Variants in CLCN5 observed in about 807,000 individuals in gnomAD.
CLCN5 encodes H(+)/Cl(-) exchange transporter 5.
Under a neutral mutation model 54.0 loss-of-function variants are expected in CLCN5, and 17 were observed. That is an observed-to-expected ratio of 0.31 (90% CI 0.22 to 0.47). The LOEUF is 0.47. CLCN5 is among the 20% of genes least tolerant of loss of function. CLCN5 has a pLI of 1.00. For synonymous variants in CLCN5, 222 were observed against 233.0 expected (o/e 0.95, Z 0.43); for missense variants, 448 against 646.7 (o/e 0.69, Z 3.33).
chrX:49,955,406 T>C (rs919018259), intron 3 of CLCN5, among the ~76,000 whole-genome samples: 2 of 109,737 alleles, frequency 1.8e-5, no homozygotes, highest in African/African-American at 6.7e-5. Flanking sequence ...TTTTTTTTTT[T>C]AACAGCTTCC....
At chrX:49,990,394 C>T (rs1437203471) in intron 3 of CLCN5, among the ~76,000 whole-genome samples, 1 of 109,365 alleles carries the variant, frequency 9.1e-6, no homozygotes, top group African/African-American at 3.3e-5. Flanking sequence ...TTTTATCCCT[C>T]ACTCCCCTCC....
intron 4 of CLCN5, among the ~76,000 whole-genome samples, chrX:50,063,386 C>T (rs1444786453): frequency 7.5e-5 from 8 of 106,742 alleles, no homozygotes; most frequent in South Asian, 4.0e-4. Flanking sequence ...AACACCTCTA[C>T]GCAAATAAAC....
At chrX:49,990,589 C>G (rs1405797975) in intron 3 of CLCN5, among the ~76,000 whole-genome samples, 5 of 111,708 alleles carry the variant, frequency 4.5e-5, no homozygotes, top group Non-Finnish European at 9.4e-5. Flanking sequence ...AGGCACCCGC[C>G]ACCACACACA....
intron 11 of CLCN5, among the ~76,000 whole-genome samples, 160 bp downstream of exon 11, chrX:50,087,030 A>G (rs1342189845): frequency 1.8e-5 from 2 of 108,138 alleles, no homozygotes; most frequent in Non-Finnish European, 3.8e-5. Context: ...ACACGTTCTC[A>G]TAATTTGCTA....
chrX:50,086,923 A>C lies in CLCN5; in HGVS notation c.1557+53A>C, dbSNP rs1302514835. On this transcript the variant is annotated intron_variant, in intron 11 of 14. Transcript: ENST00000376091. Reference sequence around the variant, plus strand: ...CTGCATGCGTAGCTGTGGGTTTTGGAGGGCAGAGCCCAGGTATCATACAAT... The same window carrying C: ...CTGCATGCGTAGCTGTGGGTTTTGGCGGGCAGAGCCCAGGTATCATACAAT... 3 of 1,084,515 alleles carry C rather than the reference A, an allele frequency of 2.8e-6. No homozygotes were observed. In the African/African-American group the frequency reaches 5.5e-5, roughly 20 times the overall value. 89.4% of individuals were successfully genotyped at this position (1,084,515 alleles called of 1,213,427 possible).
intron 3 of CLCN5, among the ~76,000 whole-genome samples, chrX:49,955,880 G>T (rs146061469): frequency 0.013 from 1,468 of 111,776 alleles, 17 homozygotes; most frequent in African/African-American, 0.045. Flanking sequence ...GAATAGTAAA[G>T]AGTACACAGA....
At chrX:49,933,350 G>A (rs868907188) in intron 3 of CLCN5, among the ~76,000 whole-genome samples, 1 of 112,188 alleles carries the variant, frequency 8.9e-6, no homozygotes, top group East Asian at 2.8e-4. Context: ...GGATTCTGAT[G>A]GAAGTCATTG....
chrX:49,953,441 G>C (rs1456674144), intron 3 of CLCN5, among the ~76,000 whole-genome samples: 1 of 111,270 alleles, frequency 9.0e-6, no homozygotes, highest in African/African-American at 3.3e-5. Flanking sequence ...AAATAGCTGA[G>C]ACCATAGGTG....
At chrX:50,036,159 T>C (rs1248406558) in intron 3 of CLCN5, among the ~76,000 whole-genome samples, 1 of 111,136 alleles carries the variant, frequency 9.0e-6, no homozygotes, top group East Asian at 2.8e-4. Context: ...CTAAGGAACA[T>C]TGAATTGGTT....
chrX:50,008,277 C>A (rs1557181818), intron 3 of CLCN5, among the ~76,000 whole-genome samples: 1 of 112,216 alleles, frequency 8.9e-6, no homozygotes, highest in African/African-American at 3.2e-5. Flanking sequence ...TTTGTTGTTA[C>A]TATCTGAGAG....
intron 3 of CLCN5, among the ~76,000 whole-genome samples, chrX:49,969,067 CCTTTCTTT>C (rs1214094719): frequency 1.8e-5 from 2 of 109,944 alleles, no homozygotes; most frequent in East Asian, 5.7e-4. Flanking sequence ...TGATTTGAAA[CCTTTCTTT>C]CTTTCTTTCT....
At position 50,072,504 on chromosome X, in the gene CLCN5, A is replaced by C. The variant is rs376833330; in HGVS notation, c.331A>C (p.Lys111Gln). The stretch of plus-strand genomic sequence containing the variant: ...TTTCCCCTAGATTACCAATAAAAGC[A>C]AAGAGTCAACATGGGCCTTAATTCA... ...DRHREITNKSKESTWALIHSV... is the reference protein window; with the variant it reads ...DRHREITNKSQESTWALIHSV... Residue 111 changes from lysine to glutamine, a missense_variant, in exon 6 of 15, where the codon AAA becomes CAA. By Grantham distance (53) the Lys-to-Gln change is moderately conservative. Transcript: ENST00000376091. 1.2e-5 allele frequency: 14 copies of C among 1,203,084 alleles called. No homozygotes were observed. Among genetic ancestry groups the C allele is most frequent in the African/African-American group, 1.8e-5 (1 of 56,987 alleles).
chrX:49,999,982 GC>G (rs1275781993), intron 3 of CLCN5, among the ~76,000 whole-genome samples: 1 of 111,120 alleles, frequency 9.0e-6, no homozygotes, highest in Middle Eastern at 4.7e-3. Context: ...TCCTATATCT[GC>G]CCTGTCTCTG....
At chrX:49,974,082 A>G (rs539710986) in intron 3 of CLCN5, among the ~76,000 whole-genome samples, 2 of 112,248 alleles carry the variant, frequency 1.8e-5, no homozygotes, top group Non-Finnish European at 3.8e-5. Flanking sequence ...TCGGTACTTC[A>G]TTCCTTTTTA....
chrX:49,931,889 G>A (rs1367402109), intron 3 of CLCN5, among the ~76,000 whole-genome samples: 1 of 105,562 alleles, frequency 9.5e-6, no homozygotes, highest in Admixed American at 1.0e-4. Context: ...CCCCAGCCTG[G>A]GCAACAGATT....
At chrX:49,975,884 A>C (rs1450408341) in intron 3 of CLCN5, among the ~76,000 whole-genome samples, 4 of 112,132 alleles carry the variant, frequency 3.6e-5, no homozygotes, top group African/African-American at 1.3e-4. Context: ...TCATTAGTCT[A>C]ACTTGGTGGT....
intron 7 of CLCN5, among the ~76,000 whole-genome samples, chrX:50,077,621 A>AGAGAGT (rs1345872952): frequency 5.1e-5 from 4 of 78,701 alleles, no homozygotes; most frequent in Non-Finnish European, 7.0e-5. Context: ...AGAGAGAGAG[A>AGAGAGT]GTGTGTGTGT....
At chrX:49,998,823 A>G (rs1211955269) in intron 3 of CLCN5, among the ~76,000 whole-genome samples, 1 of 110,987 alleles carries the variant, frequency 9.0e-6, no homozygotes, top group Non-Finnish European at 1.9e-5. Flanking sequence ...TCCTTCACCC[A>G]TGCATGACAC....
rs1205357042 is a variant in CLCN5 at position 50,027,481 on chromosome X, T to TG, written c.17-14834dup. Reference sequence around the variant, plus strand: ...TCCAGCTTGCTCATTCTTTCTCTGCTGTGTCCAATTTATTGATGAATCAAT... The same window carrying TG: ...TCCAGCTTGCTCATTCTTTCTCTGCTGGTGTCCAATTTATTGATGAATCAAT... On this transcript the variant is annotated intron_variant, in intron 3 of 14. Transcript: ENST00000376091. Among the ~76,000 whole-genome samples the TG allele has an allele frequency of 7.1e-5, 8 of 112,261 alleles. No homozygotes were observed. In the Admixed American group the frequency reaches 7.5e-4, roughly 11 times the overall value.
Sources: allele counts gnomAD v4.1 joint callset (sites outside exome capture counted in the v4.1 genomes callset), GRCh38; gene constraint gnomAD v4.1.1; transcripts MANE v1.5; gene names NCBI Gene and HGNC (gene_info 2026-07-23, HGNC 2026-07-21).